PPFIA2: variants seen among roughly 807,000 people sequenced by gnomAD.
The protein encoded by PPFIA2 is liprin-alpha-2.
A neutral mutation model predicts 175.5 loss-of-function variants in PPFIA2; 46 were observed. That is an observed-to-expected ratio of 0.26 (90% CI 0.21 to 0.34). The LOEUF (loss-of-function observed/expected upper bound fraction) is 0.34, where lower values mean the gene tolerates loss of function less well. Ranked by LOEUF, PPFIA2 falls within the 10% of genes least tolerant of loss-of-function variation. The pLI is 1.00. For missense variants in PPFIA2, 1,179 were observed against 1,506.1 expected, an observed-to-expected ratio of 0.78 and a Z score of 3.60; for synonymous variants, 568 against 511.4, an observed-to-expected ratio of 1.11 and a Z score of -1.49.
intron 4 of PPFIA2, among the ~76,000 whole-genome samples, chr12:81,473,718 T>G (rs114714017): frequency 6.6e-6 from 1 of 152,342 alleles, no homozygotes; most frequent in African/African-American, 2.4e-5. Flanking sequence ...CTTCAAAATA[T>G]AAAGTATAGA....
intron 8 of PPFIA2, among the ~76,000 whole-genome samples, chr12:81,389,601 G>A (rs117833206): frequency 0.012 from 1,884 of 151,966 alleles, 26 homozygotes; most frequent in Non-Finnish European, 0.02. Flanking sequence ...AGATTGTATC[G>A]TGAGCTTACT....
chr12:81,576,120 A>G (rs1163044344), intron 4 of PPFIA2, among the ~76,000 whole-genome samples: 1 of 151,484 alleles, frequency 6.6e-6, no homozygotes, highest in African/African-American at 2.4e-5. Flanking sequence ...TTCCCTTACA[A>G]TTGAAGGGAA....
chr12:81,347,172 G>A (rs1166916371), intron 18 of PPFIA2, among the ~76,000 whole-genome samples: 1 of 151,128 alleles, frequency 6.6e-6, no homozygotes, highest in African/African-American at 2.4e-5. Context: ...GGCTAGTCTT[G>A]AAATCCTTGC....
chr12:81,495,737 C>T (rs1386830430), intron 4 of PPFIA2, among the ~76,000 whole-genome samples: 1 of 152,152 alleles, frequency 6.6e-6, no homozygotes, highest in African/African-American at 2.4e-5. Context: ...ATCACTTGGG[C>T]CCCAGGGTTT....
At chr12:81,346,523 T>C (rs144426687) in intron 18 of PPFIA2, among the ~76,000 whole-genome samples, 9,381 of 149,274 alleles carry the variant, frequency 0.063, 379 homozygotes, top group African/African-American at 0.12. Flanking sequence ...CATATTAATA[T>C]ATTTTTATAA....
In PPFIA2 at chr12:81,533,692, AATCTATCTATCT is replaced by A. The variant is rs5799538; in HGVS notation, c.304-75838_304-75827del. ...GATTGTAACGGTTTCTAAATTCACA[AATCTATCTATCT>A]ATCTATCTATCTATCTATCTATCTA... On this transcript the variant is annotated intron_variant, in intron 4 of 32. Transcript: ENST00000549396. Among the ~76,000 whole-genome samples the A allele has an allele frequency of 8.1e-3, 1,171 of 144,402 alleles. 14 individuals carry two copies. The highest frequency in any genetic ancestry group is 0.025 in the African/African-American group (987 of 38,914). The allele number at this position is 144,402 out of a possible 152,430, so 94.7% of individuals were successfully genotyped here.
chr12:81,287,246 A>T (rs764330370), intron 24 of PPFIA2, among the ~76,000 whole-genome samples: 14 of 151,950 alleles, frequency 9.2e-5, no homozygotes, highest in Non-Finnish European at 1.2e-4. Flanking sequence ...TCTGCTTTGA[A>T]TCGTAATCCA....
intron 7 of PPFIA2, among the ~76,000 whole-genome samples, chr12:81,412,042 C>A (rs61934729): frequency 6.6e-6 from 1 of 151,760 alleles, no homozygotes; most frequent in Non-Finnish European, 1.5e-5. Flanking sequence ...TCAGGGAGTT[C>A]TTTCAATGAT....
chr12:81,616,736 A>G (rs1226650182), intron 4 of PPFIA2, among the ~76,000 whole-genome samples: 1 of 152,186 alleles, frequency 6.6e-6, no homozygotes, highest in Non-Finnish European at 1.5e-5. Flanking sequence ...ATAAATATTA[A>G]TATTTCATAA....
chr12:81,513,163 A>G (rs1427892219), intron 4 of PPFIA2, among the ~76,000 whole-genome samples: 1 of 152,030 alleles, frequency 6.6e-6, no homozygotes, highest in African/African-American at 2.4e-5. Context: ...CAACATCACT[A>G]ATTATCAGGG....
Position 81,349,887 on chromosome 12 carries a change from T to A in PPFIA2, c.1995-2117A>T, listed in dbSNP as rs1317153063. ...GTGAAGACAGAAAACATGCATTTTT[T>A]AATGGCTAGATTAGTTTATGAAAGA... On this transcript the variant is annotated intron_variant, in intron 17 of 32. Coordinates refer to ENST00000549396, the MANE Select transcript of PPFIA2 (RefSeq NM_003625.5). Among the ~76,000 whole-genome samples, 3 of 152,202 alleles carry A rather than the reference T, an allele frequency of 2.0e-5. No individual in the cohort carries two copies. The South Asian group carries it at 6.2e-4, about 31-fold the overall frequency.
chr12:81,530,856 G>A (rs1390057589), intron 4 of PPFIA2, among the ~76,000 whole-genome samples: 2 of 151,834 alleles, frequency 1.3e-5, no homozygotes, highest in Admixed American at 6.6e-5. Flanking sequence ...CCTTATTAGA[G>A]ATAGAAGTCA....
intron 3 of PPFIA2, among the ~76,000 whole-genome samples, chr12:81,706,960 C>A (rs1022574739): frequency 6.6e-6 from 1 of 152,050 alleles, no homozygotes; most frequent in Non-Finnish European, 1.5e-5. Context: ...GGAAAACTGG[C>A]TAGCCATATG....
chr12:81,442,308 A>G (rs1466691564), intron 6 of PPFIA2, among the ~76,000 whole-genome samples: 1 of 152,096 alleles, frequency 6.6e-6, no homozygotes, highest in Non-Finnish European at 1.5e-5. Flanking sequence ...GATGCTGTGA[A>G]TATCAATAAT....
At chr12:81,356,408 A>G (rs2141041265) in intron 16 of PPFIA2, among the ~76,000 whole-genome samples, 1 of 152,284 alleles carries the variant, frequency 6.6e-6, no homozygotes, top group East Asian at 1.9e-4. Flanking sequence ...CACGCTTATA[A>G]TCCCAGCACT....
At chr12:81,456,991 C>A (rs2053675595) in intron 5 of PPFIA2, among the ~76,000 whole-genome samples, 1 of 148,762 alleles carries the variant, frequency 6.7e-6, no homozygotes, top group Admixed American at 6.7e-5. Context: ...TTTTTTGTTT[C>A]CTTTTTATTT....
At chr12:81,741,229 T>G (rs1448702657) in intron 3 of PPFIA2, among the ~76,000 whole-genome samples, 1 of 152,218 alleles carries the variant, frequency 6.6e-6, no homozygotes, top group African/African-American at 2.4e-5. Flanking sequence ...AGGTGCAGCA[T>G]TAATGCTGGT....
intron 3 of PPFIA2, among the ~76,000 whole-genome samples, chr12:81,725,148 T>A (rs1179971110): frequency 6.6e-6 from 1 of 150,986 alleles, no homozygotes; most frequent in Non-Finnish European, 1.5e-5. Flanking sequence ...TTTTTTCAGT[T>A]ATGTCAGATC....
At chr12:81,381,574 G>A (rs2037713537) in intron 9 of PPFIA2, among the ~76,000 whole-genome samples, 1 of 152,098 alleles carries the variant, frequency 6.6e-6, no homozygotes, top group Non-Finnish European at 1.5e-5. Context: ...ACCAAGAAGT[G>A]AGCCCGGTGA....
Sources: gnomAD v4.1 joint callset for allele counts (sites outside exome capture counted in the v4.1 genomes callset) on GRCh38, gnomAD v4.1.1 for gene constraint, MANE v1.5 for transcripts, NCBI Gene and HGNC (gene_info 2026-07-23, HGNC 2026-07-21) for gene names.